Variants in PRKDC observed in about 807,000 individuals in gnomAD.
PRKDC encodes DNA-dependent protein kinase catalytic subunit.
A neutral mutation model predicts 486.9 loss-of-function variants in PRKDC; 82 were observed. The ratio of observed to expected loss-of-function variants is 0.17; its 90% CI spans 0.14 to 0.20. The LOEUF (loss-of-function observed/expected upper bound fraction) is 0.20. PRKDC is among the 10% of genes least tolerant of loss of function. The probability of loss-of-function intolerance (pLI) is 1.00; values close to 1 mark genes in which losing one functional copy is unlikely to be tolerated. For synonymous variants in PRKDC, 1,895 were observed against 1,837.0 expected, an observed-to-expected ratio of 1.03 and a Z score of -0.81; for missense variants, 4,504 against 5,038.2, an observed-to-expected ratio of 0.89 and a Z score of 3.21.
chr8:47,907,427 C>T (rs1358364192), intron 25 of PRKDC, among the ~76,000 whole-genome samples: 1 of 151,658 alleles, frequency 6.6e-6, no homozygotes, highest in Admixed American at 6.6e-5. Flanking sequence ...CACACACACA[C>T]ACACACACAC....
chr8:47,779,272 TA>T, intron 80 of PRKDC, 179 bp from the exon 81 acceptor site: 2 of 526,668 alleles, frequency 3.8e-6, no homozygotes, highest in Non-Finnish European at 6.6e-6. Context: ...TGAATTTCAA[TA>T]TACCATTATT....
Position 47,954,332 on chromosome 8 carries a change from T to C in PRKDC, c.508+6A>G. On this transcript the variant is annotated splice_donor_region_variant and intron_variant, in intron 5 of 85. Coordinates refer to ENST00000314191, the MANE Select transcript of PRKDC (RefSeq NM_006904.7). ...TATTTGAAAATAACATGTAAATGCA[T>C]CTCACCTGTATCTGGTATTTTTTTT... 1 of 1,138,568 alleles carries C rather than the reference T, an allele frequency of 8.8e-7. No homozygotes were observed. The highest frequency in any genetic ancestry group is 1.2e-6 in the Non-Finnish European group (1 of 822,422). 70.5% of individuals were successfully genotyped at this position (1,138,568 alleles called of 1,614,324 possible). A position where few individuals can be genotyped will look rare whatever the true frequency, so the allele number is the denominator to read the frequency against.
At chr8:47,840,681 A>G (rs1044614101) in intron 54 of PRKDC, among the ~76,000 whole-genome samples, 2 of 152,248 alleles carry the variant, frequency 1.3e-5, no homozygotes, top group African/African-American at 4.8e-5. Context: ...CATGGTGTAT[A>G]GTGAAGTACA....
chr8:47,901,656 T>G (rs1414020282), intron 27 of PRKDC, among the ~76,000 whole-genome samples: 1 of 152,212 alleles, frequency 6.6e-6, no homozygotes, highest in African/African-American at 2.4e-5. Flanking sequence ...TTTGCCTATG[T>G]GGCTAATTAT....
Position 47,882,577 on chromosome 8 carries a change from C to T in PRKDC, c.4777-480G>A, listed in dbSNP as rs1282783656. On this transcript the variant is annotated intron_variant, in intron 36 of 85. Coordinates refer to ENST00000314191, the MANE Select transcript of PRKDC (RefSeq NM_006904.7). ...TCCGGTCCCACCACCACCATACAGG[C>T]ACACACTAGCACACACAGGTGTACA... Among the ~76,000 whole-genome samples, 3 of 152,276 alleles carry T rather than the reference C, an allele frequency of 2.0e-5. No individual in the cohort carries two copies. The East Asian group carries it at 5.8e-4, about 29-fold the overall frequency.
At chr8:47,898,179 G>A (rs547531856) in intron 29 of PRKDC, among the ~76,000 whole-genome samples, 2 of 152,282 alleles carry the variant, frequency 1.3e-5, no homozygotes, top group East Asian at 3.9e-4. Context: ...ATCAAAACAT[G>A]TTCAAAATTA....
intron 74 of PRKDC, among the ~76,000 whole-genome samples, chr8:47,791,915 T>C (rs1403574054): frequency 1.3e-5 from 2 of 152,174 alleles, no homozygotes; most frequent in Non-Finnish European, 2.9e-5. Flanking sequence ...GCAGCACTAT[T>C]CACAACGGCC....
chr8:47,907,404 A>G (rs1236223649), intron 25 of PRKDC, among the ~76,000 whole-genome samples: 1 of 149,624 alleles, frequency 6.7e-6, no homozygotes, highest in Non-Finnish European at 1.5e-5. Context: ...AGCTATATAT[A>G]TATATATACA....
intron 67 of PRKDC, among the ~76,000 whole-genome samples, chr8:47,818,578 C>CAAAAAA (rs1174698261): frequency 8.0e-4 from 29 of 36,054 alleles, no homozygotes; most frequent in South Asian, 1.2e-3. Context: ...GACTCCGTCT[C>CAAAAAA]AAAAAAAAAA....
At chr8:47,934,207 T>C in intron 14 of PRKDC, 117 bp from the exon 15 acceptor site, 2 of 1,192,082 alleles carry the variant, frequency 1.7e-6, no homozygotes, top group Non-Finnish European at 2.3e-6. Flanking sequence ...TAGGAGACCA[T>C]ATGATTAAGG....
At chr8:47,792,254 ATTTTTTT>A (rs757370500) in intron 74 of PRKDC, among the ~76,000 whole-genome samples, 8 of 139,476 alleles carry the variant, frequency 5.7e-5, no homozygotes, top group East Asian at 4.2e-4. Context: ...CCACAGTAAA[ATTTTTTT>A]TTTTTTTTTT....
At chr8:47,878,338 C>T (rs954719465) in intron 39 of PRKDC, among the ~76,000 whole-genome samples, 1 of 152,216 alleles carries the variant, frequency 6.6e-6, no homozygotes, top group African/African-American at 2.4e-5. Flanking sequence ...ATCTCCTGAC[C>T]TGGTGATCTG....
At chr8:47,875,291 T>C (rs1346093676) in intron 40 of PRKDC, among the ~76,000 whole-genome samples, 1 of 152,228 alleles carries the variant, frequency 6.6e-6, no homozygotes, top group African/African-American at 2.4e-5. Context: ...GAGAGGTCAG[T>C]GGTAATATCC....
At chr8:47,940,392 A>G (rs989090597) in intron 10 of PRKDC, among the ~76,000 whole-genome samples, 3 of 152,218 alleles carry the variant, frequency 2.0e-5, no homozygotes, top group African/African-American at 4.8e-5. Context: ...ACTGCCCAGA[A>G]TAAGAATGGA....
rs748998083 is a variant in PRKDC, at chr8:47,778,542, G to A, written c.11770C>T (p.His3924Tyr). Residue 3924 changes from histidine (H) to tyrosine (Y), a missense_variant, in exon 83 of 86, where the codon CAT becomes TAT. By Grantham distance (83) the His-to-Tyr change is moderately conservative (BLOSUM62 2). Transcript: ENST00000314191. The stretch of plus-strand genomic sequence containing the variant: ...ATGGCCACCATAAAGTTGTTCAGAT[G>A]TCTGTCTCCAATCCCGAGGATCCAG... Reference protein sequence around the residue: ...SHWILGIGDRHLNNFMVAMET... With the variant: ...SHWILGIGDRYLNNFMVAMET... 6.2e-7 allele frequency: 1 copy of A among 1,613,870 alleles called. No homozygotes were observed. Among genetic ancestry groups the A allele is most frequent in the South Asian group, 1.1e-5 (1 of 91,030 alleles).
At chr8:47,957,520 A>T (rs1229776618) in intron 1 of PRKDC, 89 bp from the exon 2 acceptor site, 13 of 1,144,838 alleles carry the variant, frequency 1.1e-5, no homozygotes, top group Admixed American at 2.3e-5. Context: ...TTTTCTTATT[A>T]TTTTTTTTGA....
At chr8:47,891,960 C>T (rs1478763624) in intron 31 of PRKDC, among the ~76,000 whole-genome samples, 2 of 152,024 alleles carry the variant, frequency 1.3e-5, no homozygotes, top group Non-Finnish European at 2.9e-5. Flanking sequence ...CCTCCGCCTC[C>T]GGGGTTCAAA....
intron 28 of PRKDC, 136 bp from the exon 29 acceptor site, chr8:47,898,705 CTAAGAA>C: frequency 2.0e-6 from 1 of 511,962 alleles, no homozygotes; most frequent in Non-Finnish European, 3.2e-6. Context: ...GTTTTCATCC[CTAAGAA>C]TAATAAAATT....
At chr8:47,794,607 A>T (rs1470251977) in intron 73 of PRKDC, 106 bp from the exon 74 acceptor site, 2 of 1,034,074 alleles carry the variant, frequency 1.9e-6, no homozygotes, top group East Asian at 5.2e-5. Flanking sequence ...ATAAAAACGC[A>T]AGTACAAAAC....
Sources: allele counts gnomAD v4.1 joint callset (sites outside exome capture counted in the v4.1 genomes callset), GRCh38; gene constraint gnomAD v4.1.1; transcripts MANE v1.5; gene names NCBI Gene and HGNC (gene_info 2026-07-23, HGNC 2026-07-21).